TP53BP2: variants seen among roughly 807,000 people sequenced by gnomAD.
The protein encoded by TP53BP2 is apoptosis-stimulating of p53 protein 2.
A neutral mutation model predicts 126.2 loss-of-function variants in TP53BP2; 62 were observed. That is an observed-to-expected ratio of 0.49 (90% CI 0.40 to 0.61). The LOEUF is 0.61. TP53BP2 is among the 20% of genes least tolerant of loss of function. The pLI is 0.00. For missense variants in TP53BP2, 1,215 were observed against 1,402.8 expected, an observed-to-expected ratio of 0.87 and a Z score of 2.14; for synonymous variants, 485 against 502.9, an observed-to-expected ratio of 0.96 and a Z score of 0.48.
At chr1:223,791,001 A>C (rs1421888321) in intron 15 of TP53BP2, among the ~76,000 whole-genome samples, 4 of 152,182 alleles carry the variant, frequency 2.6e-5, no homozygotes, top group African/African-American at 9.6e-5. Flanking sequence ...TAAACTCCCA[A>C]CATTAGGAAA....
Position 223,784,190 on chromosome 1 carries a change from T to C in TP53BP2, c.3288A>G (p.Glu1096=). The C allele has an allele frequency of 6.2e-7, 1 of 1,614,184 alleles. No individual in the cohort carries two copies. The highest frequency in any genetic ancestry group is 8.5e-7 in the Non-Finnish European group (1 of 1,180,022). ...EGDCMTIIHR[E]DEDEIEWWWA... is the part of the protein sequence containing the mutation. ...ACCACCATTCGATTTCATCTTCGTC[T>C]TCCCTGTGGATGATTGTCATGCAGT... Residue 1096 remains glutamate (E), a synonymous_variant, in exon 17 of 18, where the codon GAA becomes GAG. Coordinates refer to ENST00000343537, the MANE Select transcript of TP53BP2 (RefSeq NM_001031685.3).
chr1:223,817,077 T>C (rs1245499958), intron 2 of TP53BP2, among the ~76,000 whole-genome samples: 1 of 151,326 alleles, frequency 6.6e-6, no homozygotes, highest in Non-Finnish European at 1.5e-5. Context: ...GGAGGATCAC[T>C]TGAGCCTAGA....
chr1:223,784,835 G>T (rs1247292707), intron 16 of TP53BP2, among the ~76,000 whole-genome samples: 1 of 152,110 alleles, frequency 6.6e-6, no homozygotes, highest in Non-Finnish European at 1.5e-5. Context: ...AATATATATA[G>T]AATATGTTAG....
At chr1:223,792,343 G>T in intron 15 of TP53BP2, 46 bp downstream of exon 15, 1 of 1,560,986 alleles carries the variant, frequency 6.4e-7, no homozygotes, top group South Asian at 1.2e-5. Flanking sequence ...CTTATAAACC[G>T]ATTCCCACAA....
chr1:223,808,322 C>G (rs1190622607), intron 4 of TP53BP2, among the ~76,000 whole-genome samples: 2 of 148,184 alleles, frequency 1.3e-5, no homozygotes, highest in Non-Finnish European at 2.9e-5. Flanking sequence ...CAGTGGATCA[C>G]CTGAGGTCAG....
At chr1:223,841,219 G>T (rs1167745978) in intron 1 of TP53BP2, among the ~76,000 whole-genome samples, 1 of 150,302 alleles carries the variant, frequency 6.7e-6, no homozygotes, top group African/African-American at 2.5e-5. Flanking sequence ...CTCCAGCCTG[G>T]ACTACAGAGT....
Position 223,802,288 on chromosome 1 carries a change from A to G in TP53BP2, c.1053T>C (p.Ala351=), listed in dbSNP as rs940552105. 3 of 1,614,134 alleles carry G rather than the reference A, an allele frequency of 1.9e-6. No individual in the cohort carries two copies. Among genetic ancestry groups the G allele is most frequent in the African/African-American group, 2.7e-5 (2 of 74,950 alleles). Residue 351 remains alanine (A), a synonymous_variant, in exon 9 of 18, where the codon GCT becomes GCC. Coordinates refer to ENST00000343537, the MANE Select transcript of TP53BP2 (RefSeq NM_001031685.3). ...QQAASAPSRV[A]AVGPYIQSST... Reference sequence around the variant, plus strand: ...ACGACTGGATATAGGGACCTACTGCAGCCACACGGCTTGGGGCTGACGCGG... The same window carrying G: ...ACGACTGGATATAGGGACCTACTGCGGCCACACGGCTTGGGGCTGACGCGG...
Position 223,781,971 on chromosome 1 carries a change from AAC to A in TP53BP2, c.3364-1079_3364-1078del, listed in dbSNP as rs535764533. ...TCTAAGCGCCACACACACGAGAGAA[AAC>A]ACTCTCTGACCCACTGCTCCCGCAC... On this transcript the variant is annotated intron_variant, in intron 17 of 17. Coordinates refer to ENST00000343537, the MANE Select transcript of TP53BP2 (RefSeq NM_001031685.3). Among the ~76,000 whole-genome samples, 183 of 152,308 alleles carry A rather than the reference AAC, an allele frequency of 1.2e-3. 1 individual carries two copies. Among genetic ancestry groups the A allele is most frequent in the Middle Eastern group, 0.01 (3 of 294 alleles).
At chr1:223,812,074 A>C (rs1235976296) in intron 3 of TP53BP2, among the ~76,000 whole-genome samples, 1 of 152,108 alleles carries the variant, frequency 6.6e-6, no homozygotes, top group Admixed American at 6.6e-5. Flanking sequence ...ACTACAAAAA[A>C]AAAAAGAAAA....
chr1:223,826,656 C>T (rs142071879), intron 1 of TP53BP2, among the ~76,000 whole-genome samples: 5 of 152,144 alleles, frequency 3.3e-5, no homozygotes, highest in Admixed American at 6.5e-5. Context: ...CACTGAATTA[C>T]GTATTTCAAA....
At chr1:223,820,221 T>C (rs190101926) in intron 2 of TP53BP2, among the ~76,000 whole-genome samples, 1 of 152,280 alleles carries the variant, frequency 6.6e-6, no homozygotes, top group East Asian at 1.9e-4. Flanking sequence ...CGAGAAATAT[T>C]TTAAAAGCTG....
intron 10 of TP53BP2, 112 bp from the exon 11 acceptor site, chr1:223,800,159 G>A (rs762181053): frequency 3.1e-5 from 35 of 1,136,278 alleles, no homozygotes; most frequent in South Asian, 1.0e-4. Context: ...CACAAAGCAC[G>A]TTCCTATTTT....
At chr1:223,839,441 GT>G (rs1664032963) in intron 1 of TP53BP2, among the ~76,000 whole-genome samples, 1 of 152,088 alleles carries the variant, frequency 6.6e-6, no homozygotes, top group African/African-American at 2.4e-5. Context: ...CATATAAATT[GT>G]TCACTCCCCT....
intron 13 of TP53BP2, 105 bp downstream of exon 13, chr1:223,795,710 A>G (rs1330112662): frequency 1.9e-6 from 2 of 1,034,470 alleles, no homozygotes; most frequent in Non-Finnish European, 2.7e-6. Flanking sequence ...TGCCAAGGGA[A>G]TCGTAAAATA....
chr1:223,818,568 TA>T (rs976110486), intron 2 of TP53BP2, among the ~76,000 whole-genome samples: 5 of 149,916 alleles, frequency 3.3e-5, no homozygotes, highest in Middle Eastern at 3.2e-3. Flanking sequence ...GTGTTATCAT[TA>T]AAAAAAAATT....
At chr1:223,811,947 C>T (rs866340173) in intron 3 of TP53BP2, among the ~76,000 whole-genome samples, 1 of 151,130 alleles carries the variant, frequency 6.6e-6, no homozygotes, top group South Asian at 2.1e-4. Context: ...TTATCCAGTA[C>T]TATACAGCAA....
intron 2 of TP53BP2, among the ~76,000 whole-genome samples, chr1:223,814,866 A>C (rs567538746): frequency 6.6e-6 from 1 of 152,302 alleles, no homozygotes; most frequent in East Asian, 1.9e-4. Context: ...TCCATTTCCA[A>C]ATAAAAGTCT....
At chr1:223,801,060 T>G (rs1209450899) in intron 9 of TP53BP2, among the ~76,000 whole-genome samples, 1 of 152,244 alleles carries the variant, frequency 6.6e-6, no homozygotes, top group Non-Finnish European at 1.5e-5. Context: ...TATTCTTCAC[T>G]GTGTTAGAAA....
chr1:223,802,912 G>A lies in TP53BP2; in HGVS notation c.832-17C>T, dbSNP rs570444495. ...GTTTCTTAGCTGAATAAAAGAGAGG[G>A]GAAAAAAGGTAGCCAAGGAGTAGGA... On this transcript the variant is annotated splice_polypyrimidine_tract_variant and intron_variant, in intron 7 of 17. Transcript: ENST00000343537. 1.7e-5 allele frequency: 27 copies of A among 1,611,672 alleles called. No homozygotes were observed. The highest frequency in any genetic ancestry group is 2.2e-5 in the Non-Finnish European group (26 of 1,179,410).
Sources: gnomAD v4.1 joint callset for allele counts (sites outside exome capture counted in the v4.1 genomes callset) on GRCh38, gnomAD v4.1.1 for gene constraint, MANE v1.5 for transcripts, NCBI Gene and HGNC (gene_info 2026-07-23, HGNC 2026-07-21) for gene names.